Variants in FBXO4 observed in about 807,000 individuals in gnomAD.
FBXO4 encodes F-box protein 4, also known as F-box only protein 4.
FBXO4 carries 36 observed loss-of-function variants against 43.7 expected under a neutral mutation model. That is an observed-to-expected ratio of 0.82 (90% CI 0.63 to 1.09). FBXO4 has a LOEUF of 1.09. FBXO4 is among the 50% of genes least tolerant of loss of function. The pLI is 0.00. For missense variants in FBXO4, 435 were observed against 474.1 expected (o/e 0.92, Z 0.77); for synonymous variants, 180 against 165.6 (o/e 1.09, Z -0.67).
the FBXO4 span, among the ~76,000 whole-genome samples, chr5:41,990,576 G>T: frequency 6.6e-6 from 1 of 152,146 alleles, no homozygotes; most frequent in Admixed American, 6.5e-5. Context: ...CTCAATGTCT[G>T]ACTAATGCTC....
the FBXO4 span, among the ~76,000 whole-genome samples, chr5:41,971,140 AAAC>A: frequency 6.6e-6 from 1 of 151,990 alleles, no homozygotes; most frequent in South Asian, 2.1e-4. Context: ...GTTACTAAAA[AAAC>A]AAAACCAGAT....
At position 41,932,456 on chromosome 5, in the gene FBXO4, C is replaced by T. The variant is rs1412230486; in HGVS notation, c.647-1490C>T. On this transcript the variant is annotated intron_variant, in intron 3 of 6. Transcript: ENST00000281623. ...ACTTAAGAGCCCTGTGTGTGTGTTG[C>T]CTAGAATGATGACATGAGATGGTAT... is the stretch of plus-strand genomic sequence containing the variant. Among the ~76,000 whole-genome samples, 13 of 152,030 alleles carry T rather than the reference C, an allele frequency of 8.6e-5. No individual in the cohort carries two copies. In the South Asian group the frequency reaches 1.9e-3, roughly 22 times the overall value.
At chr5:41,945,349 A>G (rs889413149), downstream of FBXO4, among the ~76,000 whole-genome samples, 1 of 152,228 alleles carries the variant, frequency 6.6e-6, no homozygotes, top group Non-Finnish European at 1.5e-5. Context: ...TAAATGGCTA[A>G]ATGTGGACAT....
the FBXO4 span, among the ~76,000 whole-genome samples, chr5:42,011,924 G>A: frequency 2.0e-5 from 3 of 152,098 alleles, no homozygotes; most frequent in Non-Finnish European, 4.4e-5. Flanking sequence ...TTTCTTATGT[G>A]GATGTGAAGC....
chr5:41,939,684 T>C, intron 6 of FBXO4, 68 bp downstream of exon 6: 1 of 1,298,418 alleles, frequency 7.7e-7, no homozygotes, highest in Non-Finnish European at 1.0e-6. Flanking sequence ...GATTTTATTT[T>C]TTAAATTCAT....
the FBXO4 span, among the ~76,000 whole-genome samples, chr5:42,018,270 A>G: frequency 6.6e-6 from 1 of 151,758 alleles, no homozygotes; most frequent in Non-Finnish European, 1.5e-5. Context: ...ATTAGCAGTG[A>G]AAAATAATGA....
intron 5 of FBXO4, among the ~76,000 whole-genome samples, chr5:41,935,824 C>G (rs1751835014): frequency 6.6e-6 from 1 of 152,188 alleles, no homozygotes; most frequent in Admixed American, 6.5e-5. Context: ...CCCATAACCC[C>G]CATGGCACAG....
At chr5:41,958,358 T>C in the FBXO4 span, among the ~76,000 whole-genome samples, 1 of 152,130 alleles carries the variant, frequency 6.6e-6, no homozygotes, top group African/African-American at 2.4e-5. Flanking sequence ...ATGGTCTCGA[T>C]CTCCTGACCT....
chr5:42,000,433 TTG>T, the FBXO4 span, among the ~76,000 whole-genome samples: 1 of 152,354 alleles, frequency 6.6e-6, no homozygotes, highest in African/African-American at 2.4e-5. Context: ...TCAGTTTTCA[TTG>T]TGTTACTTGT....
the FBXO4 span, among the ~76,000 whole-genome samples, chr5:41,994,551 T>C: frequency 7.2e-5 from 11 of 152,202 alleles, no homozygotes; most frequent in South Asian, 2.1e-4. Flanking sequence ...CCTGCCGGAT[T>C]GGACTGTTGT....
At chr5:41,939,357 C>T (rs566228407) in intron 5 of FBXO4, 84 bp from the exon 6 acceptor site, 2 of 1,287,130 alleles carry the variant, frequency 1.6e-6, no homozygotes, top group African/African-American at 1.5e-5. Flanking sequence ...ATTTTTGTTC[C>T]CTCGCTTTGT....
At chr5:41,934,440 C>T (rs1453025039) in intron 5 of FBXO4, 132 bp downstream of exon 5, 2 of 1,499,818 alleles carry the variant, frequency 1.3e-6, no homozygotes, top group Non-Finnish European at 1.8e-6. Context: ...CTGACCCTTA[C>T]TATTAATAGT....
the FBXO4 span, among the ~76,000 whole-genome samples, chr5:41,955,682 C>T: frequency 2.6e-5 from 4 of 152,264 alleles, no homozygotes; most frequent in African/African-American, 7.2e-5. Context: ...TGCTGCCTAG[C>T]GAGTGAGCCA....
the FBXO4 span, among the ~76,000 whole-genome samples, chr5:42,002,405 T>C: frequency 1.3e-5 from 2 of 152,236 alleles, no homozygotes; most frequent in Non-Finnish European, 2.9e-5. Context: ...CTTTAAAATA[T>C]TTTGATCAAC....
At chr5:41,966,325 T>TA in the FBXO4 span, among the ~76,000 whole-genome samples, 12,092 of 151,720 alleles carry the variant, frequency 0.08, 693 homozygotes, top group African/African-American at 0.16. Flanking sequence ...TACTTATAAT[T>TA]AAAAAAAAGA....
In FBXO4 at chr5:41,927,071, G is replaced by A; in HGVS notation, c.248G>A (p.Gly83Glu). 1.9e-6 allele frequency: 3 copies of A among 1,613,800 alleles called. No homozygotes were observed. Among genetic ancestry groups the A allele is most frequent in the Non-Finnish European group, 2.5e-6 (3 of 1,179,876 alleles). ...TCACCTCATGATCTGTGTCAGTTGG[G>A]AAGTACAAATCATTATTGGAATGAA... ...FLSPHDLCQL[G>E]STNHYWNETV... is the part of the protein sequence containing the mutation. Residue 83 changes from glycine to glutamate, a missense_variant, in exon 2 of 7, where the codon GGA (glycine) becomes GAA (glutamate). By Grantham distance (98) the Gly-to-Glu change is moderately conservative (BLOSUM62 -2). Coordinates refer to ENST00000281623, the MANE Select transcript of FBXO4 (RefSeq NM_012176.3).
At chr5:41,951,727 A>G in the FBXO4 span, 26 of 219,584 alleles carry the variant, frequency 1.2e-4, no homozygotes, top group Non-Finnish European at 1.7e-4. Context: ...CAATGTCCAC[A>G]TAGCATGGAG....
intron 3 of FBXO4, among the ~76,000 whole-genome samples, chr5:41,933,403 G>C (rs1175544436): frequency 9.9e-5 from 15 of 152,056 alleles, no homozygotes; most frequent in Admixed American, 9.8e-4. Flanking sequence ...TTTTTGTAGA[G>C]ATGAGGTTCT....
At chr5:41,972,984 G>T in the FBXO4 span, among the ~76,000 whole-genome samples, 2 of 152,128 alleles carry the variant, frequency 1.3e-5, no homozygotes, top group South Asian at 4.1e-4. Flanking sequence ...AGAAAACCTA[G>T]GAAATCTCAT....
Sources: allele counts gnomAD v4.1 joint callset (sites outside exome capture counted in the v4.1 genomes callset), GRCh38; gene constraint gnomAD v4.1.1; transcripts MANE v1.5; gene names NCBI Gene and HGNC (gene_info 2026-07-23, HGNC 2026-07-21).